Variants in JAK1 observed in about 807,000 individuals in gnomAD.
JAK1 encodes the protein tyrosine-protein kinase JAK1.
A neutral mutation model predicts 136.6 loss-of-function variants in JAK1; 16 were observed. The observed-to-expected ratio is 0.12, with a 90% CI of 0.08 to 0.18. The LOEUF is 0.18. JAK1 is among the 10% of genes least tolerant of loss of function. The pLI is 1.00. For missense variants in JAK1, 859 were observed against 1,450.1 expected, an observed-to-expected ratio of 0.59 and a Z score of 6.62; for synonymous variants, 492 against 519.5, an observed-to-expected ratio of 0.95 and a Z score of 0.72.
chr1:65,021,522 G>T (rs557985889), intron 2 of JAK1, among the ~76,000 whole-genome samples: 1 of 152,140 alleles, frequency 6.6e-6, no homozygotes, highest in Non-Finnish European at 1.5e-5. Context: ...ACTTCGTTGC[G>T]TGTAGGATAT....
At chr1:65,032,485 T>C (rs1194820140) in intron 2 of JAK1, among the ~76,000 whole-genome samples, 2 of 151,932 alleles carry the variant, frequency 1.3e-5, no homozygotes, top group Non-Finnish European at 2.9e-5. Flanking sequence ...ATTTCGTAAA[T>C]GGAAACACAA....
At chr1:64,860,032 T>C in intron 9 of JAK1, 73 bp downstream of exon 9, 1 of 1,288,598 alleles carries the variant, frequency 7.8e-7, no homozygotes, top group Non-Finnish European at 1.0e-6. Flanking sequence ...ACCTAAACAA[T>C]GATGACATGC....
At chr1:64,926,908 A>C (rs901328639) in intron 1 of JAK1, among the ~76,000 whole-genome samples, 1 of 152,214 alleles carries the variant, frequency 6.6e-6, no homozygotes, top group Non-Finnish European at 1.5e-5. Flanking sequence ...TAGAAGAGTT[A>C]ATGTATGTGA....
At chr1:64,839,516 G>T in intron 20 of JAK1, 87 bp downstream of exon 20, 1 of 1,179,502 alleles carries the variant, frequency 8.5e-7, no homozygotes, top group Non-Finnish European at 1.2e-6. Flanking sequence ...CCCAGGTAAG[G>T]CCACGGAGTG....
At chr1:64,902,583 A>AGAGAGAGAGAGAGAGTGT in intron 1 of JAK1, among the ~76,000 whole-genome samples, 1,704 of 73,752 alleles carry the variant, frequency 0.023, 48 homozygotes, top group East Asian at 0.077. Flanking sequence ...AGAGAGAGAG[A>AGAGAGAGAGAGAGAGTGT]GTGTGTGTGT....
At chr1:64,879,324 A>G (rs916094109) in intron 3 of JAK1, among the ~76,000 whole-genome samples, 176 bp from the exon 4 acceptor site, 35 of 152,220 alleles carry the variant, frequency 2.3e-4, no homozygotes, top group African/African-American at 8.4e-4. Flanking sequence ...TGTTTTGATC[A>G]TAATCATCAA....
intron 2 of JAK1, among the ~76,000 whole-genome samples, chr1:64,993,733 C>A (rs545543966): frequency 6.6e-6 from 1 of 152,240 alleles, no homozygotes; most frequent in East Asian, 1.9e-4. Context: ...GCAATCTCTG[C>A]CTCCCAGGTT....
intron 2 of JAK1, among the ~76,000 whole-genome samples, chr1:65,027,529 G>T (rs2100806460): frequency 6.6e-6 from 1 of 152,224 alleles, no homozygotes; most frequent in South Asian, 2.1e-4. Context: ...CACCAGGATG[G>T]GTTTATAAGT....
intron 2 of JAK1, among the ~76,000 whole-genome samples, chr1:64,885,736 G>C (rs565529676): frequency 2.0e-5 from 3 of 151,420 alleles, no homozygotes; most frequent in South Asian, 4.2e-4. Context: ...CCTGGTGACA[G>C]AGCAAGAGTC....
intron 1 of JAK1, among the ~76,000 whole-genome samples, chr1:65,053,553 T>G (rs1390791198): frequency 6.6e-6 from 1 of 151,982 alleles, no homozygotes; most frequent in African/African-American, 2.4e-5. Flanking sequence ...TATACTCACT[T>G]AAGAACAGGA....
In JAK1 at chr1:65,045,058, A is replaced by C. The variant is rs555767966; in HGVS notation, c.-180-476T>G. 3.3e-5 allele frequency among the ~76,000 whole-genome samples: 5 copies of C among 152,402 alleles called. No homozygotes were observed. The East Asian group carries it at 9.6e-4, about 29-fold the overall frequency. On this transcript the variant is annotated intron_variant, in intron 1 of 25. Transcript: ENST00000671954. Reference sequence around the variant, plus strand: ...TATGTTTTAGAAAGTAAGTCAACTCAGTCTGAAGACTGGTGGGTCCACGGT... The same window carrying C: ...TATGTTTTAGAAAGTAAGTCAACTCCGTCTGAAGACTGGTGGGTCCACGGT...
chr1:64,937,894 T>G (rs1396682131), intron 1 of JAK1, among the ~76,000 whole-genome samples: 3 of 152,154 alleles, frequency 2.0e-5, no homozygotes, highest in Non-Finnish European at 4.4e-5. Context: ...CTTCTTTTTT[T>G]TTTGAGAGGG....
At chr1:64,840,480 A>G (rs1051093432) in intron 19 of JAK1, among the ~76,000 whole-genome samples, 6 of 152,194 alleles carry the variant, frequency 3.9e-5, no homozygotes, top group Non-Finnish European at 7.3e-5. Context: ...CTCCCATTTA[A>G]GGTCCAAAGA....
chr1:64,847,685 G>A lies in JAK1; in HGVS notation c.1756-10C>T, dbSNP rs2101015627. On this transcript the variant is annotated splice_polypyrimidine_tract_variant and intron_variant, in intron 12 of 24. Transcript: ENST00000342505. The stretch of plus-strand genomic sequence containing the variant: ...TCCCAAGGTGCTCGCCCTGAGGGAA[G>A]AAGCAGAAGGCTGGGTGACCTCTCT... 1 of 1,613,176 alleles carries A rather than the reference G, an allele frequency of 6.2e-7. No homozygotes were observed. Among genetic ancestry groups the A allele is most frequent in the Non-Finnish European group, 8.5e-7 (1 of 1,179,552 alleles).
intron 1 of JAK1, among the ~76,000 whole-genome samples, chr1:65,054,399 TTA>T (rs1434491364): frequency 2.6e-5 from 4 of 152,106 alleles, no homozygotes; most frequent in African/African-American, 9.7e-5. Context: ...CTTTAGTCTC[TTA>T]TATATATGAT....
At chr1:64,971,560 T>C (rs1215502225) in intron 2 of JAK1, among the ~76,000 whole-genome samples, 3 of 145,782 alleles carry the variant, frequency 2.1e-5, no homozygotes, top group Non-Finnish European at 4.4e-5. Context: ...TTCTCTGTCA[T>C]ACTTTTTTTT....
intron 1 of JAK1, among the ~76,000 whole-genome samples, chr1:64,915,526 C>T (rs1645380048): frequency 6.6e-6 from 1 of 152,182 alleles, no homozygotes; most frequent in Non-Finnish European, 1.5e-5. Context: ...CCGTTGGCCA[C>T]TCCTCTGCCC....
At chr1:64,939,756 G>T (rs1645854900) in intron 1 of JAK1, among the ~76,000 whole-genome samples, 1 of 152,100 alleles carries the variant, frequency 6.6e-6, no homozygotes, top group Non-Finnish European at 1.5e-5. Context: ...AATCCAGCTG[G>T]TATTATGCCA....
intron 12 of JAK1, among the ~76,000 whole-genome samples, chr1:64,850,053 C>T (rs541918076): frequency 6.6e-6 from 1 of 152,212 alleles, no homozygotes; most frequent in African/African-American, 2.4e-5. Flanking sequence ...TTCCGCCTCA[C>T]CCTCCAACAC....
Sources: gnomAD v4.1 joint callset for allele counts (sites outside exome capture counted in the v4.1 genomes callset) on GRCh38, gnomAD v4.1.1 for gene constraint, MANE v1.5 for transcripts, NCBI Gene and HGNC (gene_info 2026-07-23, HGNC 2026-07-21) for gene names.